The following PAPPA2 variants were observed in gnomAD, a reference collection of about 807,000 sequenced individuals.
The protein encoded by PAPPA2 is pappalysin 2, also known as pappalysin-2.
In PAPPA2, 86 loss-of-function variants were observed where a neutral mutation model predicts 176.4. The observed-to-expected ratio is 0.49, with a 90% confidence interval of 0.41 to 0.58. The LOEUF (loss-of-function observed/expected upper bound fraction) is 0.58. Ranked by LOEUF, PAPPA2 falls within the 20% of genes least tolerant of loss-of-function variation. The pLI is 0.00. For missense variants in PAPPA2, 2,073 were observed against 2,256.9 expected, an observed-to-expected ratio of 0.92 and a Z score of 1.65; for synonymous variants, 809 against 852.2, an observed-to-expected ratio of 0.95 and a Z score of 0.88.
At chr1:176,690,461 T>G (rs1208023230) in intron 5 of PAPPA2, 31 bp downstream of exon 5, 3 of 1,602,200 alleles carry the variant, frequency 1.9e-6, no homozygotes, top group Non-Finnish European at 2.6e-6. Flanking sequence ...TGTTTTCTGT[T>G]AAGAATACAT....
intron 3 of PAPPA2, among the ~76,000 whole-genome samples, chr1:176,665,332 C>T (rs1417878264): frequency 6.6e-6 from 1 of 152,128 alleles, no homozygotes; most frequent in Non-Finnish European, 1.5e-5. Flanking sequence ...CCATTGGACA[C>T]TGGCAATGGT....
intron 12 of PAPPA2, among the ~76,000 whole-genome samples, chr1:176,729,306 T>G (rs1270932898): frequency 1.3e-5 from 2 of 152,086 alleles, no homozygotes. Context: ...ATTACGTGAT[T>G]CTAATTTTTA....
At chr1:176,779,924 TA>T (rs1664639505) in intron 17 of PAPPA2, among the ~76,000 whole-genome samples, 2 of 152,292 alleles carry the variant, frequency 1.3e-5, no homozygotes, top group Admixed American at 1.3e-4. Context: ...CAGGGCAACG[TA>T]AATGCTAATC....
chr1:176,804,271 G>A (rs971871310), intron 21 of PAPPA2, among the ~76,000 whole-genome samples: 2 of 152,108 alleles, frequency 1.3e-5, no homozygotes, highest in Non-Finnish European at 2.9e-5. Context: ...GACTCATCCT[G>A]TGACTTATTT....
rs1230283194 is a variant in PAPPA2 at position 176,789,962 on chromosome 1, C to T, written c.4869C>T (p.Asn1623=). Residue 1623 remains asparagine (N), a synonymous_variant, in exon 18 of 23, where the codon AAC becomes AAT. Transcript: ENST00000367662. ...SLDSQCVLNC[N]QEREKLPILC... is the part of the protein sequence containing the mutation. The stretch of plus-strand genomic sequence containing the variant: ...ACAGCCAGTGTGTGCTCAACTGTAA[C>T]CAGGAACGTGAAAAGGTAAGGAACA... 9 of 1,614,026 alleles carry T rather than the reference C, an allele frequency of 5.6e-6. No individual in the cohort carries two copies. Among genetic ancestry groups the T allele is most frequent in the Non-Finnish European group, 7.6e-6 (9 of 1,179,962 alleles).
At chr1:176,537,761 CGT>C (rs1650148001) in intron 1 of PAPPA2, among the ~76,000 whole-genome samples, 1 of 79,642 alleles carries the variant, frequency 1.3e-5, no homozygotes, top group Non-Finnish European at 2.9e-5. Context: ...TGTGTATGTA[CGT>C]GTGTGTGTTA....
chr1:176,800,157 C>T (rs1665620711), intron 21 of PAPPA2, 25 bp downstream of exon 21: 16 of 1,611,208 alleles, frequency 9.9e-6, no homozygotes, highest in East Asian at 2.2e-5. Context: ...CCTTCCCCAA[C>T]TCAGACTAGA....
intron 4 of PAPPA2, among the ~76,000 whole-genome samples, chr1:176,682,436 G>C (rs570028517): frequency 3.9e-5 from 6 of 152,228 alleles, no homozygotes; most frequent in Admixed American, 1.3e-4. Context: ...CAAGGTAGTA[G>C]CTTTTGTTAT....
intron 2 of PAPPA2, among the ~76,000 whole-genome samples, chr1:176,577,181 T>A (rs1652699656): frequency 6.6e-6 from 1 of 152,186 alleles, no homozygotes; most frequent in African/African-American, 2.4e-5. Context: ...ATGGGCATCA[T>A]ATGCAGGCCA....
chr1:176,793,550 G>A lies in PAPPA2; in HGVS notation c.5021-10G>A, dbSNP rs983029536. On this transcript the variant is annotated splice_polypyrimidine_tract_variant and intron_variant, in intron 19 of 22. Transcript: ENST00000367662. ...GTTCAAGTCTCTGCTGTAAACTTCT[G>A]TTCTTTCAGGTGCAGTGTGTTCCCC... 2.5e-6 allele frequency: 4 copies of A among 1,593,950 alleles called. No individual in the cohort carries two copies. The Admixed American group carries it at 6.7e-5, about 27-fold the overall frequency.
intron 1 of PAPPA2, among the ~76,000 whole-genome samples, chr1:176,485,927 G>A (rs1182254182): frequency 6.6e-6 from 1 of 152,230 alleles, no homozygotes; most frequent in African/African-American, 2.4e-5. Context: ...GCAATAAATT[G>A]TGGAGGAGTG....
At position 176,563,425 on chromosome 1, in the gene PAPPA2, G is replaced by A. The variant is rs1028735309; in HGVS notation, c.919+6184G>A. Among the ~76,000 whole-genome samples the A allele has an allele frequency of 2.0e-5, 3 of 152,138 alleles. No homozygotes were observed. The South Asian group carries it at 6.2e-4, about 32-fold the overall frequency. On this transcript the variant is annotated intron_variant, in intron 2 of 22. Transcript: ENST00000367662. ...CCCCAGAACTCTAGAGCAGGGGTTG[G>A]CACATTATGGCCTATGGGTCACATC...
At chr1:176,754,581 C>T (rs1306790479) in intron 14 of PAPPA2, among the ~76,000 whole-genome samples, 1 of 151,796 alleles carries the variant, frequency 6.6e-6, no homozygotes, top group Non-Finnish European at 1.5e-5. Context: ...GCCCCATGGC[C>T]CTGCTGAAAT....
chr1:176,640,144 G>T (rs1656984156), intron 3 of PAPPA2, among the ~76,000 whole-genome samples: 1 of 150,352 alleles, frequency 6.7e-6, no homozygotes, highest in Admixed American at 6.6e-5. Flanking sequence ...TTTTTCAAAA[G>T]TATAATAATG....
chr1:176,722,206 T>C (rs901725158), intron 12 of PAPPA2, among the ~76,000 whole-genome samples: 1 of 152,144 alleles, frequency 6.6e-6, no homozygotes, highest in African/African-American at 2.4e-5. Context: ...TCTGTTTAGG[T>C]TGACTTTAAA....
At chr1:176,612,662 C>T (rs1383553996) in intron 3 of PAPPA2, among the ~76,000 whole-genome samples, 1 of 152,142 alleles carries the variant, frequency 6.6e-6, no homozygotes, top group African/African-American at 2.4e-5. Context: ...CTCCTGGGGA[C>T]TACACATAGA....
At chr1:176,549,727 C>T (rs1436710212) in intron 1 of PAPPA2, among the ~76,000 whole-genome samples, 1 of 152,158 alleles carries the variant, frequency 6.6e-6, no homozygotes, top group East Asian at 1.9e-4. Flanking sequence ...CACCTAACCA[C>T]CACCAAGCAA....
chr1:176,580,303 CT>C (rs1652888625), intron 2 of PAPPA2, among the ~76,000 whole-genome samples: 1 of 152,158 alleles, frequency 6.6e-6, no homozygotes, highest in African/African-American at 2.4e-5. Flanking sequence ...ACATAATGTC[CT>C]CCAGTTCTAT....
chr1:176,517,848 A>C (rs1306500887), intron 1 of PAPPA2, among the ~76,000 whole-genome samples: 1 of 151,868 alleles, frequency 6.6e-6, no homozygotes, highest in Non-Finnish European at 1.5e-5. Context: ...CCATAAAATG[A>C]GAAGAGCTCA....
Sources: allele counts gnomAD v4.1 joint callset (sites outside exome capture counted in the v4.1 genomes callset), GRCh38; gene constraint gnomAD v4.1.1; transcripts MANE v1.5; gene names NCBI Gene and HGNC (gene_info 2026-07-23, HGNC 2026-07-21).